PCDH15: variants seen among roughly 807,000 people sequenced by gnomAD.
PCDH15 encodes the protein protocadherin-15.
PCDH15 carries 129 observed loss-of-function variants against 178.5 expected under a neutral mutation model. That is an observed-to-expected ratio of 0.72 (90% confidence interval 0.63 to 0.84). The LOEUF is 0.84. PCDH15 is among the 40% of genes least tolerant of loss of function. The pLI, the probability that PCDH15 is intolerant of heterozygous loss-of-function variation, is 0.00. For synonymous variants in PCDH15, 800 were observed against 732.0 expected (o/e 1.09, Z -1.50); for missense variants, 2,230 against 2,099.9 (o/e 1.06, Z -1.21).
chr10:55,563,987 T>C (rs1022939381), intron 2 of PCDH15, among the ~76,000 whole-genome samples: 2 of 151,880 alleles, frequency 1.3e-5, no homozygotes, highest in Non-Finnish European at 2.9e-5. Context: ...TAAGTATATA[T>C]CTCAGTAAAG....
chr10:54,056,664 C>T (rs116105924), intron 18 of PCDH15, among the ~76,000 whole-genome samples: 3,091 of 152,174 alleles, frequency 0.02, 116 homozygotes, highest in African/African-American at 0.07. Context: ...CATATCATCC[C>T]ATCCCCAGCC....
intron 1 of PCDH15, among the ~76,000 whole-genome samples, chr10:55,273,132 T>C (rs748388155): frequency 6.6e-6 from 1 of 152,146 alleles, no homozygotes; most frequent in Non-Finnish European, 1.5e-5. Context: ...GCATGTATCA[T>C]ATGATGTGTA....
intron 2 of PCDH15, among the ~76,000 whole-genome samples, chr10:54,900,044 T>G (rs1044718463): frequency 2.0e-5 from 3 of 152,148 alleles, no homozygotes; most frequent in Non-Finnish European, 2.9e-5. Context: ...TTAAAACATA[T>G]ACACCCACAA....
At chr10:54,898,096 C>T (rs561426317) in intron 2 of PCDH15, among the ~76,000 whole-genome samples, 2 of 152,012 alleles carry the variant, frequency 1.3e-5, no homozygotes, top group Non-Finnish European at 2.9e-5. Context: ...TGAGTTCTCA[C>T]GATGTCTGGT....
At chr10:55,125,080 G>C (rs1410740311) in intron 2 of PCDH15, among the ~76,000 whole-genome samples, 1 of 151,646 alleles carries the variant, frequency 6.6e-6, no homozygotes, top group Non-Finnish European at 1.5e-5. Flanking sequence ...TCTAGAACCA[G>C]CCATTAAATA....
intron 6 of PCDH15, among the ~76,000 whole-genome samples, chr10:54,344,405 TA>T (rs1303340773): frequency 6.6e-6 from 1 of 152,148 alleles, no homozygotes; most frequent in Admixed American, 6.5e-5. Context: ...ATTGCACAGT[TA>T]AAAAAGAATT....
intron 3 of PCDH15, among the ~76,000 whole-genome samples, chr10:54,425,209 T>C (rs1378251811): frequency 2.6e-5 from 4 of 152,064 alleles, no homozygotes; most frequent in African/African-American, 9.7e-5. Flanking sequence ...AGAAGTGGAC[T>C]TTTTAAAGAG....
chr10:55,176,184 GCTT>G (rs1480461879), intron 1 of PCDH15, among the ~76,000 whole-genome samples: 3 of 151,966 alleles, frequency 2.0e-5, no homozygotes, highest in Non-Finnish European at 4.4e-5. Flanking sequence ...TCCAATCCAG[GCTT>G]CTTCTCCTCC....
chr10:54,664,636 G>T (rs1481187958), intron 1 of PCDH15, among the ~76,000 whole-genome samples: 1 of 151,942 alleles, frequency 6.6e-6, no homozygotes, highest in Non-Finnish European at 1.5e-5. Context: ...AACTTATGTT[G>T]TCTACAGCAT....
chr10:54,035,651 C>T (rs941348022), intron 18 of PCDH15, among the ~76,000 whole-genome samples: 2 of 151,864 alleles, frequency 1.3e-5, no homozygotes, highest in Non-Finnish European at 2.9e-5. Context: ...TTCTCTGAGA[C>T]ACAGTGAAAT....
chr10:55,279,283 AAC>A (rs2132255499), intron 1 of PCDH15, among the ~76,000 whole-genome samples: 1 of 152,330 alleles, frequency 6.6e-6, no homozygotes, highest in African/African-American at 2.4e-5. Context: ...TTGTCAGAAA[AAC>A]AGTCTGTGTA....
At chr10:54,447,944 A>G (rs923075891) in intron 3 of PCDH15, among the ~76,000 whole-genome samples, 6 of 110,032 alleles carry the variant, frequency 5.5e-5, no homozygotes, top group African/African-American at 2.2e-4. Context: ...ACCTTGAGAA[A>G]GTATATTACT....
intron 2 of PCDH15, among the ~76,000 whole-genome samples, chr10:54,635,527 A>G (rs1012026908): frequency 6.6e-6 from 1 of 151,784 alleles, no homozygotes; most frequent in Non-Finnish European, 1.5e-5. Flanking sequence ...TAATATAACT[A>G]CTCTAAGTTG....
upstream of PCDH15, among the ~76,000 whole-genome samples, chr10:55,322,219 T>C (rs1026996670): frequency 6.6e-6 from 1 of 152,220 alleles, no homozygotes; most frequent in Admixed American, 6.5e-5. Flanking sequence ...TGCTACCATG[T>C]AAGAGGTGCC....
chr10:54,963,742 C>G (rs1396862660), intron 2 of PCDH15, among the ~76,000 whole-genome samples: 1 of 152,206 alleles, frequency 6.6e-6, no homozygotes, highest in African/African-American at 2.4e-5. Context: ...ACCACTTTAT[C>G]TCTGTACACT....
Position 54,132,999 on chromosome 10 carries a change from A to G in PCDH15, c.1793T>C (p.Ile598Thr), listed in dbSNP as rs1312890321. 1 of 1,614,072 alleles carries G rather than the reference A, an allele frequency of 6.2e-7. No individual in the cohort carries two copies. Among genetic ancestry groups the G allele is most frequent in the East Asian group, 2.2e-5 (1 of 44,840 alleles). Reference sequence around the variant, plus strand: ...AAGCACTTCAATATACACAGTGCAGATGGAGTTCCTGCAGAGAAAGAGAGG... The same window carrying G: ...AAGCACTTCAATATACACAGTGCAGGTGGAGTTCCTGCAGAGAAAGAGAGG... ...NAPPAERRNS[I>T]CTVYIEVLPP... The change falls in exon 15 of 38, where the codon ATC becomes ACC. Residue 598 changes from isoleucine (I) to threonine (T), a missense_variant. Ile to Thr is a moderately conservative substitution (Grantham distance 89). Coordinates refer to ENST00000644397, the MANE Select transcript of PCDH15 (RefSeq NM_001384140.1).
chr10:55,501,888 A>G (rs1840664001), intron 2 of PCDH15, among the ~76,000 whole-genome samples: 1 of 151,792 alleles, frequency 6.6e-6, no homozygotes, highest in Non-Finnish European at 1.5e-5. Flanking sequence ...TACTTGACAT[A>G]TTAAAGGAAC....
chr10:55,330,192 C>G lies in PCDH15; in HGVS notation c.-155-163541G>C, dbSNP rs1844161930. ...GTTAAATTTAAAATATGTTTAGTAT[C>G]TAGATATTTGAGGCTTTTATACATG... On this transcript the variant is annotated intron_variant, in intron 2 of 5. Transcript: ENST00000613346. Among the ~76,000 whole-genome samples, 3 of 151,568 alleles carry G rather than the reference C, an allele frequency of 2.0e-5. No individual in the cohort carries two copies. The South Asian group carries it at 6.2e-4, about 31-fold the overall frequency.
chr10:55,532,570 C>G (rs1384410644), intron 2 of PCDH15, among the ~76,000 whole-genome samples: 1 of 152,052 alleles, frequency 6.6e-6, no homozygotes, highest in East Asian at 1.9e-4. Context: ...TATTTTAAGA[C>G]TTCCTAAAGC....
Sources: allele counts gnomAD v4.1 joint callset (sites outside exome capture counted in the v4.1 genomes callset), GRCh38; gene constraint gnomAD v4.1.1; transcripts MANE v1.5; gene names NCBI Gene and HGNC (gene_info 2026-07-23, HGNC 2026-07-21).